ESRRG: variants seen among roughly 807,000 people sequenced by gnomAD.
ESRRG encodes estrogen related receptor gamma, also known as estrogen-related receptor gamma.
A neutral mutation model predicts 44.0 loss-of-function variants in ESRRG; 13 were observed. The observed-to-expected ratio is 0.30, with a 90% CI of 0.19 to 0.47. The LOEUF (loss-of-function observed/expected upper bound fraction) is 0.47. Ranked by LOEUF, ESRRG falls within the 20% of genes least tolerant of loss-of-function variation. The pLI is 1.00. For missense variants in ESRRG, 395 were observed against 580.6 expected, an observed-to-expected ratio of 0.68 and a Z score of 3.29; for synonymous variants, 215 against 214.6, an observed-to-expected ratio of 1.00 and a Z score of -0.02.
At chr1:216,543,911 A>AAT (rs1340347920) in intron 5 of ESRRG, among the ~76,000 whole-genome samples, 1 of 152,088 alleles carries the variant, frequency 6.6e-6, no homozygotes, top group Admixed American at 6.6e-5. Context: ...ATTTGTTTCA[A>AAT]ATATTGAATA....
At chr1:216,508,783 G>C (rs958233645) in intron 6 of ESRRG, among the ~76,000 whole-genome samples, 5 of 152,140 alleles carry the variant, frequency 3.3e-5, no homozygotes, top group Admixed American at 2.0e-4. Context: ...GCACTTAAAT[G>C]CTACCTGAAG....
chr1:216,755,945 G>C (rs949850193), intron 2 of ESRRG, among the ~76,000 whole-genome samples: 2 of 151,978 alleles, frequency 1.3e-5, no homozygotes, highest in Admixed American at 6.6e-5. Flanking sequence ...CCTGACCCTG[G>C]CCCCCCTGCA....
At chr1:216,654,927 A>C (rs1197315320) in intron 2 of ESRRG, among the ~76,000 whole-genome samples, 1 of 152,196 alleles carries the variant, frequency 6.6e-6, no homozygotes, top group East Asian at 1.9e-4. Flanking sequence ...ATTGGAGAAA[A>C]TATTTAGGAT....
At chr1:216,943,362 T>C (rs2065560609) in intron 1 of ESRRG, among the ~76,000 whole-genome samples, 1 of 152,192 alleles carries the variant, frequency 6.6e-6, no homozygotes, top group Non-Finnish European at 1.5e-5. Context: ...CTCTGCATTG[T>C]TGCAGGAACC....
chr1:216,846,712 C>T (rs1311299617), intron 2 of ESRRG, among the ~76,000 whole-genome samples: 3 of 151,944 alleles, frequency 2.0e-5, no homozygotes, highest in Non-Finnish European at 4.4e-5. Flanking sequence ...TTGTTGCATG[C>T]TTGATTTTTC....
chr1:216,889,946 TA>T (rs2057544125), intron 2 of ESRRG, among the ~76,000 whole-genome samples: 1 of 152,204 alleles, frequency 6.6e-6, no homozygotes, highest in South Asian at 2.1e-4. Flanking sequence ...GCAGATTGAA[TA>T]AAGTCAATCT....
At position 216,506,210 on chromosome 1, in the gene ESRRG, A is replaced by G. The variant is rs1022395415; in HGVS notation, c.*729T>C. On this transcript the variant is annotated 3_prime_UTR_variant, in exon 7 of 7. Transcript: ENST00000408911. ...TCTAATTAGAGGCTGCTCCCATGAA[A>G]TCTAATACTGCACTCAGTCAATTTG... is the stretch of plus-strand genomic sequence containing the variant. 2 of 155,758 alleles carry G rather than the reference A, an allele frequency of 1.3e-5. No individual in the cohort carries two copies. The highest frequency in any genetic ancestry group is 4.8e-5 in the African/African-American group (2 of 41,476). The allele number at this position is 155,758 out of a possible 1,614,324, so 9.6% of individuals were successfully genotyped here. A position where few individuals can be genotyped will look rare whatever the true frequency, so the allele number is the denominator to read the frequency against.
chr1:216,980,898 C>A (rs1244015971), intron 1 of ESRRG, among the ~76,000 whole-genome samples: 3 of 129,660 alleles, frequency 2.3e-5, no homozygotes, highest in Admixed American at 7.2e-5. Flanking sequence ...CGGTCTCCTG[C>A]CTTTCATATG....
chr1:217,062,304 G>A (rs765963262), intron 1 of ESRRG, among the ~76,000 whole-genome samples: 10 of 152,112 alleles, frequency 6.6e-5, no homozygotes, highest in Non-Finnish European at 1.2e-4. Context: ...ATGACATACC[G>A]TGTGAGAGAC....
chr1:216,993,809 A>C (rs1262812934), intron 1 of ESRRG, among the ~76,000 whole-genome samples: 1 of 152,204 alleles, frequency 6.6e-6, no homozygotes, highest in Non-Finnish European at 1.5e-5. Flanking sequence ...CTCCTGGTCC[A>C]TAATGATGAG....
At position 216,630,212 on chromosome 1, in the gene ESRRG, G is replaced by A. The variant is rs146999729; in HGVS notation, c.589+20761C>T. Among the ~76,000 whole-genome samples, 172 of 152,214 alleles carry A rather than the reference G, an allele frequency of 1.1e-3. 1 individual carries two copies. Among genetic ancestry groups the A allele is most frequent in the African/African-American group, 3.8e-3 (157 of 41,548 alleles). ...ATGACAGCAACATTTATGAATTTTCGTTTGTTACTTTCATTCTCATTTTGT... is the reference window on the plus strand; with the variant it reads ...ATGACAGCAACATTTATGAATTTTCATTTGTTACTTTCATTCTCATTTTGT... On this transcript the variant is annotated intron_variant, in intron 3 of 6. Coordinates refer to ENST00000408911, the MANE Select transcript of ESRRG (RefSeq NM_001438.4).
At chr1:216,547,265 A>T (rs2054823422) in intron 5 of ESRRG, among the ~76,000 whole-genome samples, 1 of 151,814 alleles carries the variant, frequency 6.6e-6, no homozygotes, top group Non-Finnish European at 1.5e-5. Flanking sequence ...GATGATGATG[A>T]TGATGATGAT....
intron 2 of ESRRG, among the ~76,000 whole-genome samples, chr1:216,766,022 A>G (rs1475062237): frequency 1.3e-5 from 2 of 152,244 alleles, no homozygotes; most frequent in African/African-American, 4.8e-5. Context: ...TGGAGGTAAA[A>G]ATAGAATGTA....
Position 217,008,861 on chromosome 1 carries a change from C to T in ESRRG, c.-105-69188G>A, listed in dbSNP as rs568405613. Among the ~76,000 whole-genome samples, 87 of 152,218 alleles carry T rather than the reference C, an allele frequency of 5.7e-4. No homozygotes were observed. In the South Asian group the frequency reaches 0.017, roughly 30 times the overall value. ...CCCAACTAACTGCTAGCTAAATGAA[C>T]GTCTTCCCACCAAAAACCAGGTATA... On this transcript the variant is annotated intron_variant, in intron 1 of 7. Coordinates refer to the ESRRG transcript ENST00000359162.
intron 1 of ESRRG, among the ~76,000 whole-genome samples, chr1:217,128,555 T>C (rs1262157987): frequency 6.6e-6 from 1 of 152,178 alleles, no homozygotes; most frequent in Non-Finnish European, 1.5e-5. Flanking sequence ...AGGAGACTAT[T>C]TGAAATTTCT....
At chr1:216,573,422 T>C (rs2061177695) in intron 3 of ESRRG, among the ~76,000 whole-genome samples, 1 of 151,960 alleles carries the variant, frequency 6.6e-6, no homozygotes, top group African/African-American at 2.4e-5. Context: ...CCATGATGTT[T>C]TGCTGTAATG....
At chr1:216,884,059 C>T (rs572956892) in intron 2 of ESRRG, among the ~76,000 whole-genome samples, 30 of 152,214 alleles carry the variant, frequency 2.0e-4, no homozygotes, top group African/African-American at 7.0e-4. Context: ...AACTTCTTAC[C>T]TTGTTGACTA....
Position 216,950,711 on chromosome 1 carries a change from TTATC to T in ESRRG, c.-105-11042_-105-11039del, listed in dbSNP as rs2066813281. ...ATTTGTCTATTATTATAAGCAATGA[TTATC>T]TATTTGTGACATAGACCATTTTACA... On this transcript the variant is annotated intron_variant, in intron 1 of 7. Coordinates refer to the ESRRG transcript ENST00000359162. Among the ~76,000 whole-genome samples the T allele has an allele frequency of 4.6e-5, 7 of 152,322 alleles. No homozygotes were observed. In the South Asian group the frequency reaches 1.4e-3, roughly 32 times the overall value.
chr1:216,905,617 TG>T (rs1414062087), intron 2 of ESRRG, among the ~76,000 whole-genome samples: 3 of 152,228 alleles, frequency 2.0e-5, no homozygotes, highest in Non-Finnish European at 4.4e-5. Flanking sequence ...GCTGGGGCTC[TG>T]TCTCCTCGTC....
Sources: gnomAD v4.1 joint callset for allele counts (sites outside exome capture counted in the v4.1 genomes callset) on GRCh38, gnomAD v4.1.1 for gene constraint, MANE v1.5 for transcripts, NCBI Gene and HGNC (gene_info 2026-07-23, HGNC 2026-07-21) for gene names.